Variants in KCNIP4 observed in about 807,000 individuals in gnomAD.
The protein encoded by KCNIP4 is Kv channel-interacting protein 4.
A neutral mutation model predicts 34.0 loss-of-function variants in KCNIP4; 12 were observed. The observed-to-expected ratio is 0.35, with a 90% CI of 0.23 to 0.57. KCNIP4 has a LOEUF of 0.57. Among genes scored for constraint, KCNIP4 ranks in the 20% least tolerant of loss-of-function variants. KCNIP4 has a pLI of 0.83. For synonymous variants in KCNIP4, 124 were observed against 102.2 expected (o/e 1.21, Z -1.29); for missense variants, 238 against 311.7 (o/e 0.76, Z 1.78).
intron 2 of KCNIP4, among the ~76,000 whole-genome samples, chr4:20,878,771 A>G (rs1311638646): frequency 2.6e-5 from 4 of 152,192 alleles, no homozygotes; most frequent in South Asian, 4.1e-4. Flanking sequence ...GAATTCAAAC[A>G]CATGCCAGGA....
chr4:21,320,059 T>C (rs1418977339), intron 1 of KCNIP4, among the ~76,000 whole-genome samples: 1 of 152,228 alleles, frequency 6.6e-6, no homozygotes, highest in Admixed American at 6.5e-5. Flanking sequence ...TTCTAAACCA[T>C]GTATTAGAGC....
intron 3 of KCNIP4, among the ~76,000 whole-genome samples, chr4:20,846,119 C>T (rs2149477638): frequency 6.6e-6 from 1 of 152,198 alleles, no homozygotes; most frequent in African/African-American, 2.4e-5. Context: ...AGGACATTAG[C>T]AGGTATTAAA....
At chr4:21,189,630 G>T (rs973544671) in intron 1 of KCNIP4, among the ~76,000 whole-genome samples, 2 of 151,856 alleles carry the variant, frequency 1.3e-5, no homozygotes, top group Non-Finnish European at 2.9e-5. Context: ...AAGCACATTT[G>T]CACTTGTCCT....
intron 1 of KCNIP4, among the ~76,000 whole-genome samples, chr4:21,273,789 C>G (rs900561585): frequency 6.6e-6 from 1 of 152,150 alleles, no homozygotes; most frequent in African/African-American, 2.4e-5. Context: ...TCACTCGTTT[C>G]TATATACTAC....
chr4:21,340,948 G>A (rs1716703596), intron 1 of KCNIP4, among the ~76,000 whole-genome samples: 1 of 152,156 alleles, frequency 6.6e-6, no homozygotes, highest in African/African-American at 2.4e-5. Flanking sequence ...GGGAACCTCA[G>A]AATGTGACCT....
intron 1 of KCNIP4, among the ~76,000 whole-genome samples, chr4:21,018,823 C>T (rs367759293): frequency 6.6e-6 from 1 of 152,126 alleles, no homozygotes; most frequent in African/African-American, 2.4e-5. Flanking sequence ...GTGAGAACTA[C>T]ATAAATGTTA....
At chr4:21,223,230 T>A (rs1478521097) in intron 1 of KCNIP4, among the ~76,000 whole-genome samples, 2 of 152,070 alleles carry the variant, frequency 1.3e-5, no homozygotes, top group Non-Finnish European at 2.9e-5. Context: ...AGCAAGATAC[T>A]GGAAGGGGCC....
At chr4:20,983,678 ACTAGGATGCTCTATGC>A in intron 1 of KCNIP4, 1 of 661,870 alleles carries the variant, frequency 1.5e-6, no homozygotes, top group Non-Finnish European at 2.6e-6. Flanking sequence ...CTGTCCAGCC[ACTAGGATGCTCTATGC>A]CAAACATGCA....
intron 1 of KCNIP4, among the ~76,000 whole-genome samples, chr4:20,899,789 T>G (rs971325955): frequency 7.9e-5 from 12 of 152,180 alleles, no homozygotes; most frequent in Non-Finnish European, 8.8e-5. Flanking sequence ...CTGGACATCC[T>G]TATTAGCCTT....
intron 1 of KCNIP4, among the ~76,000 whole-genome samples, chr4:20,970,091 G>A (rs1003813369): frequency 1.3e-4 from 19 of 151,792 alleles, no homozygotes; most frequent in African/African-American, 3.4e-4. Context: ...ACAGGCGCCC[G>A]CCACCACGCC....
At chr4:21,064,237 T>C (rs547209658) in intron 1 of KCNIP4, among the ~76,000 whole-genome samples, 1 of 152,278 alleles carries the variant, frequency 6.6e-6, no homozygotes, top group East Asian at 1.9e-4. Flanking sequence ...AAATATGATC[T>C]TTAGTTAATG....
Position 21,371,869 on chromosome 4 carries a change from G to T in KCNIP4, c.62-489160C>A, listed in dbSNP as rs537320456. ...TAGACTAACCCTGGAGATAATATAA[G>T]AATCAAAATAGCTCTTAAAGTTCAA... On this transcript the variant is annotated intron_variant, in intron 1 of 8. Transcript: ENST00000382152. 6.1e-5 allele frequency among the ~76,000 whole-genome samples: 9 copies of T among 147,076 alleles called. 1 individual carries two copies. Among genetic ancestry groups the T allele is most frequent in the Admixed American group, 1.3e-4 (2 of 15,150 alleles).
At chr4:21,630,675 C>T (rs1002236784) in intron 1 of KCNIP4, among the ~76,000 whole-genome samples, 11 of 152,062 alleles carry the variant, frequency 7.2e-5, no homozygotes, top group African/African-American at 1.9e-4. Flanking sequence ...GCTGCAGATA[C>T]GATGATTGAA....
At chr4:21,234,689 C>T (rs963792014) in intron 1 of KCNIP4, among the ~76,000 whole-genome samples, 38 of 149,652 alleles carry the variant, frequency 2.5e-4, no homozygotes, top group Middle Eastern at 3.5e-3. Flanking sequence ...TCACTGTCAC[C>T]CAGGCTGGAG....
intron 1 of KCNIP4, among the ~76,000 whole-genome samples, chr4:21,620,123 T>C (rs1367399985): frequency 1.3e-5 from 2 of 152,198 alleles, no homozygotes. Context: ...AATCCATGAA[T>C]GGAGTCAGCA....
At chr4:21,389,957 G>A (rs980007423) in intron 1 of KCNIP4, among the ~76,000 whole-genome samples, 1 of 148,252 alleles carries the variant, frequency 6.7e-6, no homozygotes, top group Non-Finnish European at 1.5e-5. Flanking sequence ...ATCCTCTCCA[G>A]CACCTGTTGT....
intron 1 of KCNIP4, among the ~76,000 whole-genome samples, chr4:21,354,432 TAA>T (rs2109386210): frequency 6.6e-6 from 1 of 151,974 alleles, no homozygotes; most frequent in Non-Finnish European, 1.5e-5. Flanking sequence ...CACATAGGCT[TAA>T]AATAAAGGGA....
intron 1 of KCNIP4, among the ~76,000 whole-genome samples, chr4:21,060,772 C>G (rs1485725973): frequency 1.3e-5 from 2 of 152,202 alleles, no homozygotes; most frequent in African/African-American, 2.4e-5. Context: ...AAGAGACTCA[C>G]TCCTTAAAGA....
chr4:20,833,663 T>C (rs1380047530), intron 3 of KCNIP4, among the ~76,000 whole-genome samples: 2 of 152,160 alleles, frequency 1.3e-5, no homozygotes, highest in East Asian at 3.9e-4. Flanking sequence ...AAATAATTTA[T>C]ATGTTAATGA....
Sources: allele counts gnomAD v4.1 joint callset (sites outside exome capture counted in the v4.1 genomes callset), GRCh38; gene constraint gnomAD v4.1.1; transcripts MANE v1.5; gene names NCBI Gene and HGNC (gene_info 2026-07-23, HGNC 2026-07-21).